The following CAPN5 variants were observed in gnomAD, a reference collection of about 807,000 sequenced individuals.
CAPN5 encodes calpain-5.
Under a neutral mutation model 73.0 loss-of-function variants are expected in CAPN5, and 54 were observed. The ratio of observed to expected loss-of-function variants is 0.74; its 90% CI spans 0.59 to 0.93. The LOEUF (loss-of-function observed/expected upper bound fraction) is 0.93, where lower values mean the gene tolerates loss of function less well. Among genes scored for constraint, CAPN5 ranks in the 40% least tolerant of loss-of-function variants. The pLI is 0.00. For missense variants in CAPN5, 785 were observed against 882.9 expected, an observed-to-expected ratio of 0.89 and a Z score of 1.41; for synonymous variants, 335 against 356.9, an observed-to-expected ratio of 0.94 and a Z score of 0.69.
Position 77,118,171 on chromosome 11 carries a change from ACGTGTGC to A in CAPN5, c.989_995del (p.Val330GlyfsTer11). On this transcript the variant is annotated frameshift_variant, in exon 8 of 13. Coordinates refer to ENST00000648180, the MANE Select transcript of CAPN5 (RefSeq NM_004055.5). LOFTEE classifies it high-confidence loss of function. The stretch of plus-strand genomic sequence containing the variant: ...CCCACATCCAGGATGACCTTCGAGG[ACGTGTGC>A]CGGTACTTCACGGACATCATCAAGT... 6.2e-7 allele frequency: 1 copy of A among 1,612,640 alleles called. No individual in the cohort carries two copies. Among genetic ancestry groups the A allele is most frequent in the South Asian group, 1.1e-5 (1 of 90,962 alleles).
intron 5 of CAPN5, among the ~76,000 whole-genome samples, chr11:77,115,020 G>A (rs937984041): frequency 9.9e-5 from 15 of 151,702 alleles, no homozygotes; most frequent in South Asian, 2.1e-4. Context: ...CCAAGATCGC[G>A]CCATTGCACT....
chr11:77,104,078 C>T (rs1555039472), intron 3 of CAPN5, among the ~76,000 whole-genome samples: 2 of 152,202 alleles, frequency 1.3e-5, no homozygotes. Context: ...TCTATTCCTA[C>T]CCTAGGAACA....
chr11:77,104,007 C>G (rs1950317650), intron 3 of CAPN5, among the ~76,000 whole-genome samples: 1 of 152,174 alleles, frequency 6.6e-6, no homozygotes, highest in Non-Finnish European at 1.5e-5. Context: ...AGAGATCTGT[C>G]TCTACGCACA....
chr11:77,112,840 G>T, intron 4 of CAPN5, 43 bp downstream of exon 4: 1 of 1,568,014 alleles, frequency 6.4e-7, no homozygotes, highest in Admixed American at 1.7e-5. Context: ...GCCCAGACGG[G>T]GGTGGCACCG....
intron 2 of CAPN5, among the ~76,000 whole-genome samples, chr11:77,086,429 C>A (rs1421817732): frequency 6.6e-6 from 1 of 152,082 alleles, no homozygotes. Flanking sequence ...AAGAGTCCTG[C>A]CTCCCTGCAC....
At chr11:77,083,333 C>T (rs185190323) in intron 1 of CAPN5, among the ~76,000 whole-genome samples, 17 of 152,146 alleles carry the variant, frequency 1.1e-4, no homozygotes, top group Admixed American at 3.9e-4. Flanking sequence ...CTTTCCTTTC[C>T]TGTCTCTCCC....
intron 3 of CAPN5, among the ~76,000 whole-genome samples, chr11:77,108,832 T>C (rs1171482120): frequency 6.6e-6 from 1 of 152,196 alleles, no homozygotes; most frequent in Non-Finnish European, 1.5e-5. Context: ...GCTATAAATA[T>C]GCATAGGTTT....
chr11:77,111,846 G>A (rs2135473309), intron 3 of CAPN5, among the ~76,000 whole-genome samples: 1 of 152,286 alleles, frequency 6.6e-6, no homozygotes, highest in South Asian at 2.1e-4. Flanking sequence ...GAATAGTCAG[G>A]GAGGCTTCCT....
chr11:77,071,335 C>T (rs977933818), intron 1 of CAPN5, among the ~76,000 whole-genome samples: 19 of 152,246 alleles, frequency 1.2e-4, no homozygotes, highest in African/African-American at 3.6e-4. Flanking sequence ...CTGGCACAGC[C>T]GCATGGGTGG....
intron 3 of CAPN5, among the ~76,000 whole-genome samples, chr11:77,105,703 G>A (rs1950338803): frequency 6.6e-6 from 1 of 152,200 alleles, no homozygotes; most frequent in Non-Finnish European, 1.5e-5. Context: ...TTGGTTCTGT[G>A]AAGGTCCTTC....
At chr11:77,102,965 G>A (rs1039893004) in intron 3 of CAPN5, 2 of 1,613,336 alleles carry the variant, frequency 1.2e-6, no homozygotes. Context: ...GCCAGGATGG[G>A]GAGAAGCTGC....
intron 7 of CAPN5, 63 bp from the exon 8 acceptor site, chr11:77,118,094 G>T (rs1950485455): frequency 1.4e-6 from 2 of 1,463,660 alleles, no homozygotes; most frequent in Non-Finnish European, 1.9e-6. Flanking sequence ...TTGTTGGGCT[G>T]GGGGGCCAAG....
At chr11:77,072,048 T>C (rs1442594969) in intron 1 of CAPN5, among the ~76,000 whole-genome samples, 1 of 152,180 alleles carries the variant, frequency 6.6e-6, no homozygotes, top group Non-Finnish European at 1.5e-5. Flanking sequence ...ATCCTGGGCC[T>C]CCTTTCCCGT....
chr11:77,091,069 C>T (rs11237085), intron 2 of CAPN5, among the ~76,000 whole-genome samples: 45,371 of 152,072 alleles, frequency 0.3, 6,910 homozygotes, highest in East Asian at 0.37. Flanking sequence ...AGGAGCTGCT[C>T]ATGCCCTTGG....
chr11:77,084,945 G>A lies in CAPN5; in HGVS notation c.59G>A (p.Cys20Tyr), dbSNP rs1555035205. Residue 20 changes from cysteine to tyrosine, a missense_variant, in exon 2 of 13, where the codon TGC becomes TAC. Cys to Tyr is a radical substitution (Grantham distance 194, BLOSUM62 -2). Coordinates refer to ENST00000648180, the MANE Select transcript of CAPN5 (RefSeq NM_004055.5). The part of the protein sequence containing the change: ...DQNYSALRRD[C>Y]RRRKVLFEDP... Reference sequence around the variant, plus strand: ...AACTACTCAGCCCTGAGGCGGGACTGCCGGCGCAGGAAGGTGCTCTTCGAG... The same window carrying A: ...AACTACTCAGCCCTGAGGCGGGACTACCGGCGCAGGAAGGTGCTCTTCGAG... 6 of 1,613,848 alleles carry A rather than the reference G, an allele frequency of 3.7e-6. No homozygotes were observed. Among genetic ancestry groups the A allele is most frequent in the Non-Finnish European group, 4.2e-6 (5 of 1,179,962 alleles).
intron 2 of CAPN5, among the ~76,000 whole-genome samples, chr11:77,090,086 T>C (rs1413559633): frequency 2.0e-5 from 3 of 152,182 alleles, no homozygotes; most frequent in East Asian, 3.8e-4. Context: ...GCCTGCCACA[T>C]AGCAGGTGCC....
intron 8 of CAPN5, 69 bp from the exon 9 acceptor site, chr11:77,118,961 G>A: frequency 1.3e-6 from 2 of 1,543,464 alleles, no homozygotes; most frequent in Non-Finnish European, 8.8e-7. Context: ...GAGCTTCCGG[G>A]AGCCAGCCAG....
At position 77,120,693 on chromosome 11, in the gene CAPN5, G is replaced by C; in HGVS notation, c.1291-20G>C. ...GTAGGGTGTGTCTCCGCGTGGCCCA[G>C]CCCCTCCCGCCTCCTGCAGGTGGAG... is the stretch of plus-strand genomic sequence containing the variant. On this transcript the variant is annotated intron_variant, in intron 9 of 12. Coordinates refer to ENST00000648180, the MANE Select transcript of CAPN5 (RefSeq NM_004055.5). The C allele has an allele frequency of 6.3e-7, 1 of 1,583,610 alleles. No individual in the cohort carries two copies. Among genetic ancestry groups the C allele is most frequent in the Non-Finnish European group, 8.6e-7 (1 of 1,162,540 alleles).
At chr11:77,122,553 C>CCA in intron 11 of CAPN5, 23 bp from the exon 12 acceptor site, 2 of 1,536,390 alleles carry the variant, frequency 1.3e-6, no homozygotes, top group Non-Finnish European at 1.8e-6. Context: ...ACCCTCACCC[C>CCA]ATCTCCCACT....
Sources: gnomAD v4.1 joint callset for allele counts (sites outside exome capture counted in the v4.1 genomes callset) on GRCh38, gnomAD v4.1.1 for gene constraint, MANE v1.5 for transcripts, NCBI Gene and HGNC (gene_info 2026-07-23, HGNC 2026-07-21) for gene names.